SLCO6A1: variants seen among roughly 807,000 people sequenced by gnomAD.
The protein encoded by SLCO6A1 is solute carrier organic anion transporter family member 6A1.
A neutral mutation model predicts 72.7 loss-of-function variants in SLCO6A1; 65 were observed. The observed-to-expected ratio is 0.89, with a 90% CI of 0.73 to 1.10. The LOEUF is 1.10. Among genes scored for constraint, SLCO6A1 ranks in the 50% least tolerant of loss-of-function variants. The pLI, the probability that SLCO6A1 is intolerant of heterozygous loss-of-function variation, is 0.00. For missense variants in SLCO6A1, 874 were observed against 872.6 expected (o/e 1.00, Z -0.02); for synonymous variants, 314 against 298.2 (o/e 1.05, Z -0.55).
At position 102,485,277 on chromosome 5, in the gene SLCO6A1, TAAATAAATAAATAAATA is replaced by T. The variant is rs879663831; in HGVS notation, c.359-4860_359-4844del. 3.8e-3 allele frequency among the ~76,000 whole-genome samples: 475 copies of T among 124,680 alleles called. 4 individuals carry two copies. Among genetic ancestry groups the T allele is most frequent in the African/African-American group, 8.2e-3 (246 of 29,952 alleles). 81.8% of individuals were successfully genotyped at this position (124,680 alleles called of 152,430 possible). ...AAAAATAAATAAATAAATAAATAAA[TAAATAAATAAATAAATA>T]AAATAAAATAAAAGGCCTGACTTCA... On this transcript the variant is annotated intron_variant, in intron 1 of 13. Coordinates refer to ENST00000506729, the MANE Select transcript of SLCO6A1 (RefSeq NM_173488.5).
At chr5:102,467,208 T>C (rs558792141) in intron 4 of SLCO6A1, among the ~76,000 whole-genome samples, 2 of 152,014 alleles carry the variant, frequency 1.3e-5, no homozygotes, top group East Asian at 3.9e-4. Context: ...GATTTTTACA[T>C]ATGATGTATA....
intron 12 of SLCO6A1, among the ~76,000 whole-genome samples, chr5:102,375,258 T>C (rs540993737): frequency 1.9e-4 from 29 of 152,206 alleles, no homozygotes; most frequent in Admixed American, 3.3e-4. Flanking sequence ...GTCTACACAA[T>C]TTTGCCATTC....
intron 6 of SLCO6A1, among the ~76,000 whole-genome samples, chr5:102,456,140 G>T (rs904182525): frequency 6.6e-6 from 1 of 152,126 alleles, no homozygotes; most frequent in African/African-American, 2.4e-5. Context: ...CAAAACCACA[G>T]CCAATATCAT....
At chr5:102,447,611 T>C (rs1282774341) in intron 6 of SLCO6A1, among the ~76,000 whole-genome samples, 1 of 152,174 alleles carries the variant, frequency 6.6e-6, no homozygotes, top group Non-Finnish European at 1.5e-5. Context: ...GAAGGTTGCA[T>C]GCTTCCAGAA....
intron 4 of SLCO6A1, among the ~76,000 whole-genome samples, chr5:102,471,181 C>T (rs950870907): frequency 3.9e-5 from 6 of 152,018 alleles, no homozygotes; most frequent in African/African-American, 1.4e-4. Context: ...TCATACTGTT[C>T]GACTGACTTG....
At chr5:102,403,676 C>T (rs1747519209) in intron 9 of SLCO6A1, among the ~76,000 whole-genome samples, 1 of 152,062 alleles carries the variant, frequency 6.6e-6, no homozygotes, top group African/African-American at 2.4e-5. Flanking sequence ...AACAGTACAG[C>T]TTAAACTATT....
chr5:102,472,859 C>A (rs1197722568), intron 4 of SLCO6A1, among the ~76,000 whole-genome samples: 1 of 151,832 alleles, frequency 6.6e-6, no homozygotes, highest in Non-Finnish European at 1.5e-5. Context: ...AATTATATCC[C>A]AACAAATTAG....
intron 4 of SLCO6A1, 100 bp from the exon 5 acceptor site, chr5:102,459,877 G>GCCC: frequency 2.0e-6 from 2 of 1,006,412 alleles, no homozygotes; most frequent in Non-Finnish European, 2.8e-6. Context: ...GAGAGAGGGA[G>GCCC]GGTTGGAGAG....
chr5:102,371,898 C>T lies in SLCO6A1; in HGVS notation c.*241G>A, dbSNP rs1750644931. On this transcript the variant is annotated 3_prime_UTR_variant, in exon 14 of 14. Coordinates refer to ENST00000506729, the MANE Select transcript of SLCO6A1 (RefSeq NM_173488.5). ...CTAAAATTATTAAACTTTAATTCTC[C>T]CAGTAAATCCTAAAAATTCTACATA... 1 of 151,874 alleles carries T rather than the reference C, an allele frequency of 6.6e-6. No homozygotes were observed. Among genetic ancestry groups the T allele is most frequent in the Non-Finnish European group, 1.5e-5 (1 of 67,860 alleles). The allele number at this position is 151,874 out of a possible 1,614,324, so 9.4% of individuals were successfully genotyped here.
At position 102,457,112 on chromosome 5, in the gene SLCO6A1, T is replaced by G. The variant is rs1401016602; in HGVS notation, c.1131+1270A>C. Among the ~76,000 whole-genome samples, 7 of 152,236 alleles carry G rather than the reference T, an allele frequency of 4.6e-5. No individual in the cohort carries two copies. The East Asian group carries it at 1.3e-3, about 29-fold the overall frequency. ...ATACAAAAATTAATTCAAGATGGAT[T>G]AAAGACTTAAATGTTAGACCTGAAA... On this transcript the variant is annotated intron_variant, in intron 6 of 13. Transcript: ENST00000506729.
At chr5:102,489,476 A>C (rs921216054) in intron 1 of SLCO6A1, among the ~76,000 whole-genome samples, 1 of 152,252 alleles carries the variant, frequency 6.6e-6, no homozygotes, top group African/African-American at 2.4e-5. Context: ...TCTCAAAAGA[A>C]GACATAAAAA....
chr5:102,389,749 T>C (rs569198651), intron 11 of SLCO6A1, among the ~76,000 whole-genome samples: 144 of 152,284 alleles, frequency 9.5e-4, no homozygotes, highest in African/African-American at 3.3e-3. Context: ...TTTGGATATG[T>C]TGTTTTCTCT....
intron 1 of SLCO6A1, among the ~76,000 whole-genome samples, chr5:102,482,743 C>A (rs1752273809): frequency 6.6e-6 from 1 of 152,162 alleles, no homozygotes; most frequent in Non-Finnish European, 1.5e-5. Context: ...GGTAATACTG[C>A]TTTATATGGC....
At chr5:102,406,798 A>G (rs1390288336) in intron 9 of SLCO6A1, among the ~76,000 whole-genome samples, 1 of 152,224 alleles carries the variant, frequency 6.6e-6, no homozygotes, top group African/African-American at 2.4e-5. Flanking sequence ...TTAGAACCTC[A>G]GAAAATGGGT....
At chr5:102,374,668 T>A (rs975030532) in intron 12 of SLCO6A1, among the ~76,000 whole-genome samples, 3 of 152,164 alleles carry the variant, frequency 2.0e-5, no homozygotes, top group African/African-American at 7.2e-5. Flanking sequence ...TTTATACATT[T>A]TACAGGGAAA....
At chr5:102,468,452 T>C (rs976759228) in intron 4 of SLCO6A1, among the ~76,000 whole-genome samples, 5 of 152,100 alleles carry the variant, frequency 3.3e-5, no homozygotes, top group Non-Finnish European at 5.9e-5. Context: ...ACTATTATTG[T>C]GTTGTCATCT....
intron 10 of SLCO6A1, among the ~76,000 whole-genome samples, chr5:102,391,721 A>C (rs1246544874): frequency 2.0e-5 from 3 of 152,088 alleles, no homozygotes; most frequent in Non-Finnish European, 4.4e-5. Context: ...CCTTACCTAC[A>C]TTTTAAATAG....
chr5:102,474,497 T>G (rs1204638605), intron 4 of SLCO6A1, among the ~76,000 whole-genome samples: 1 of 152,078 alleles, frequency 6.6e-6, no homozygotes, highest in African/African-American at 2.4e-5. Context: ...GGGAGAATGC[T>G]TCATGCCATT....
chr5:102,457,333 A>C (rs1287130721), intron 6 of SLCO6A1, among the ~76,000 whole-genome samples: 4 of 151,800 alleles, frequency 2.6e-5, no homozygotes, highest in African/African-American at 9.7e-5. Flanking sequence ...GAATGGGAGA[A>C]TATTTTTGCA....
Sources: allele counts gnomAD v4.1 joint callset (sites outside exome capture counted in the v4.1 genomes callset), GRCh38; gene constraint gnomAD v4.1.1; transcripts MANE v1.5; gene names NCBI Gene and HGNC (gene_info 2026-07-23, HGNC 2026-07-21).